The following IKZF2 variants were observed in gnomAD, a reference collection of about 807,000 sequenced individuals.
The protein encoded by IKZF2 is zinc finger protein Helios.
Under a neutral mutation model 49.2 loss-of-function variants are expected in IKZF2, and 15 were observed. That is an observed-to-expected ratio of 0.30 (90% CI 0.20 to 0.47). IKZF2 has a LOEUF of 0.47. IKZF2 is among the 20% of genes least tolerant of loss of function. IKZF2 has a pLI of 1.00. For synonymous variants in IKZF2, 227 were observed against 221.4 expected, an observed-to-expected ratio of 1.03 and a Z score of -0.23; for missense variants, 567 against 664.6, an observed-to-expected ratio of 0.85 and a Z score of 1.61.
At chr2:213,088,763 A>T (rs1268275798) in intron 4 of IKZF2, among the ~76,000 whole-genome samples, 1 of 152,182 alleles carries the variant, frequency 6.6e-6, no homozygotes, top group Non-Finnish European at 1.5e-5. Flanking sequence ...GTCTCAAAAT[A>T]AATAAATAAA....
chr2:213,143,527 G>C (rs2060944747), intron 4 of IKZF2, among the ~76,000 whole-genome samples: 1 of 150,908 alleles, frequency 6.6e-6, no homozygotes, highest in Admixed American at 6.6e-5. Context: ...TCTGATACCT[G>C]TAAAGAAATT....
intron 4 of IKZF2, among the ~76,000 whole-genome samples, chr2:213,100,523 G>C (rs1271489493): frequency 1.3e-5 from 2 of 151,936 alleles, no homozygotes; most frequent in Admixed American, 1.3e-4. Context: ...GGGCCCCTTG[G>C]TGAAAGCCAC....
chr2:213,020,961 C>G (rs1236097595), intron 7 of IKZF2, among the ~76,000 whole-genome samples: 2 of 152,064 alleles, frequency 1.3e-5, no homozygotes, highest in Non-Finnish European at 2.9e-5. Context: ...ACCTGTAATC[C>G]CAGAACTTTG....
At chr2:213,057,221 TTCA>T in intron 4 of IKZF2, 122 bp from the exon 5 acceptor site, 2 of 862,112 alleles carry the variant, frequency 2.3e-6, no homozygotes, top group Non-Finnish European at 1.7e-6. Context: ...TAGAATAGAG[TTCA>T]TCATCGAATG....
intron 6 of IKZF2, among the ~76,000 whole-genome samples, chr2:213,045,611 T>C (rs947999663): frequency 3.3e-5 from 5 of 152,216 alleles, no homozygotes; most frequent in African/African-American, 1.2e-4. Context: ...ATACCTGAGA[T>C]GCCTCAGTAA....
At chr2:213,029,236 G>C (rs576157445) in intron 6 of IKZF2, among the ~76,000 whole-genome samples, 2 of 152,010 alleles carry the variant, frequency 1.3e-5, no homozygotes, top group East Asian at 1.9e-4. Context: ...TGTTCCTTTA[G>C]TGTTTTTCTT....
intron 4 of IKZF2, chr2:213,097,969 T>C (rs939299165): frequency 1.9e-5 from 6 of 307,784 alleles, no homozygotes; most frequent in Non-Finnish European, 3.3e-5. Flanking sequence ...CCCTATAAAT[T>C]AGAGAAAGCT....
intron 4 of IKZF2, among the ~76,000 whole-genome samples, chr2:213,063,915 A>G (rs1243476029): frequency 6.6e-6 from 1 of 152,054 alleles, no homozygotes; most frequent in Non-Finnish European, 1.5e-5. Flanking sequence ...GATACCAGAA[A>G]CTTAAGTCCC....
chr2:213,099,002 G>A (rs1275915337), intron 4 of IKZF2, among the ~76,000 whole-genome samples: 1 of 152,094 alleles, frequency 6.6e-6, no homozygotes, highest in Non-Finnish European at 1.5e-5. Flanking sequence ...CTGTGCAAAG[G>A]TTATTAGGCA....
chr2:213,122,596 T>C (rs933835761), intron 4 of IKZF2, among the ~76,000 whole-genome samples: 1 of 152,250 alleles, frequency 6.6e-6, no homozygotes, highest in Non-Finnish European at 1.5e-5. Flanking sequence ...CTTGCCATGA[T>C]GGCAGACCAG....
At chr2:213,129,381 G>A (rs2060392034) in intron 4 of IKZF2, among the ~76,000 whole-genome samples, 1 of 149,882 alleles carries the variant, frequency 6.7e-6, no homozygotes, top group African/African-American at 2.5e-5. Context: ...AATAAGAAAA[G>A]AAGGAGGCTT....
chr2:213,144,737 T>C (rs980298972), intron 4 of IKZF2, among the ~76,000 whole-genome samples: 17 of 151,918 alleles, frequency 1.1e-4, no homozygotes, highest in Admixed American at 3.9e-4. Flanking sequence ...GGCAACAATG[T>C]CCATCTTCTT....
chr2:213,093,683 G>A (rs1356905515), intron 4 of IKZF2, among the ~76,000 whole-genome samples: 1 of 152,138 alleles, frequency 6.6e-6, no homozygotes, highest in East Asian at 1.9e-4. Flanking sequence ...CTTAGTGCCT[G>A]ACCCAAAGTA....
Position 213,147,713 on chromosome 2 carries a change from G to A in IKZF2, c.134C>T (p.Thr45Ile). The A allele has an allele frequency of 6.2e-7, 1 of 1,611,732 alleles. No homozygotes were observed. The highest frequency in any genetic ancestry group is 8.5e-7 in the Non-Finnish European group (1 of 1,177,812). ...NGQHASPSHM[T>I]STNSVKLEMQ... Reference sequence around the variant, plus strand: ...ATCATAAAATGAAGACTTACTGCTTGTCATGTGACTTGGTGAGGCATGCTG... The same window carrying A: ...ATCATAAAATGAAGACTTACTGCTTATCATGTGACTTGGTGAGGCATGCTG... Residue 45 changes from threonine to isoleucine, a missense_variant, in exon 4 of 9, where the codon ACA becomes ATA. Coordinates refer to ENST00000434687, the MANE Select transcript of IKZF2 (RefSeq NM_001387220.1).
chr2:213,079,829 C>T (rs938487587), intron 4 of IKZF2, among the ~76,000 whole-genome samples: 2 of 152,244 alleles, frequency 1.3e-5, no homozygotes, highest in African/African-American at 2.4e-5. Context: ...TGTTTTTCCA[C>T]CCTCCAGTTT....
At chr2:213,115,049 C>T (rs1024436799) in intron 4 of IKZF2, among the ~76,000 whole-genome samples, 18 of 152,116 alleles carry the variant, frequency 1.2e-4, no homozygotes, top group African/African-American at 4.3e-4. Context: ...AAGGCGGAAT[C>T]ACAGTTATAG....
rs1695357482 is a variant in IKZF2, at chr2:213,006,494, TCAAA to T, written c.*862_*865del. 6.6e-6 allele frequency: 1 copy of T among 152,510 alleles called. No homozygotes were observed. The highest frequency in any genetic ancestry group is 2.1e-4 in the South Asian group (1 of 4,822). The allele number at this position is 152,510 out of a possible 1,614,324, so 9.4% of individuals were successfully genotyped here. On this transcript the variant is annotated 3_prime_UTR_variant, in exon 9 of 9. Coordinates refer to ENST00000434687, the MANE Select transcript of IKZF2 (RefSeq NM_001387220.1). Reference sequence around the variant, plus strand: ...CATTACAACTTTAAAAGAAAACCTCTCAAACAAATTTATGAAAGTAGAAGTCCCT... The same window carrying T: ...CATTACAACTTTAAAAGAAAACCTCTCAAATTTATGAAAGTAGAAGTCCCT...
At chr2:213,026,577 C>G (rs1253345262) in intron 6 of IKZF2, among the ~76,000 whole-genome samples, 1 of 151,958 alleles carries the variant, frequency 6.6e-6, no homozygotes, top group Non-Finnish European at 1.5e-5. Flanking sequence ...ATTAGTTTTT[C>G]TTAAATCTCT....
At chr2:213,101,250 A>T (rs954329850) in intron 4 of IKZF2, among the ~76,000 whole-genome samples, 1 of 152,144 alleles carries the variant, frequency 6.6e-6, no homozygotes, top group Non-Finnish European at 1.5e-5. Context: ...AAATGTTTTC[A>T]TTAGTTATTT....
Sources: allele counts gnomAD v4.1 joint callset (sites outside exome capture counted in the v4.1 genomes callset), GRCh38; gene constraint gnomAD v4.1.1; transcripts MANE v1.5; gene names NCBI Gene and HGNC (gene_info 2026-07-23, HGNC 2026-07-21).